The following LIN7A variants were observed in gnomAD, a reference collection of about 807,000 sequenced individuals.
The protein encoded by LIN7A is lin-7 cell polarity scaffold A, also known as protein lin-7 homolog A.
In LIN7A, 25 loss-of-function variants were observed where a neutral mutation model predicts 29.8. The observed-to-expected ratio is 0.84, with a 90% CI of 0.61 to 1.17. The LOEUF (loss-of-function observed/expected upper bound fraction) is 1.17, where lower values mean the gene tolerates loss of function less well. Among genes scored for constraint, LIN7A ranks in the 50% most tolerant of loss-of-function variants. The pLI is 0.00. For missense variants in LIN7A, 239 were observed against 287.0 expected, an observed-to-expected ratio of 0.83 and a Z score of 1.21; for synonymous variants, 118 against 107.5, an observed-to-expected ratio of 1.10 and a Z score of -0.60.
chr12:80,821,635 A>C (rs1277274958), intron 4 of LIN7A, among the ~76,000 whole-genome samples: 1 of 152,220 alleles, frequency 6.6e-6, no homozygotes, highest in Admixed American at 6.5e-5. Flanking sequence ...CGAAGACACC[A>C]GCTACAGTGG....
intron 4 of LIN7A, among the ~76,000 whole-genome samples, chr12:80,812,957 A>T (rs1447286604): frequency 1.3e-5 from 2 of 152,216 alleles, no homozygotes; most frequent in Non-Finnish European, 2.9e-5. Flanking sequence ...CTCAGAAAAG[A>T]TATTCAAACT....
intron 1 of LIN7A, among the ~76,000 whole-genome samples, chr12:80,894,229 A>T (rs375048697): frequency 1.4e-3 from 220 of 152,280 alleles, no homozygotes; most frequent in African/African-American, 5.0e-3. Context: ...CTCTTCTATC[A>T]CATTTGATTA....
chr12:80,905,299 C>A (rs1876420871), intron 1 of LIN7A, among the ~76,000 whole-genome samples: 1 of 152,048 alleles, frequency 6.6e-6, no homozygotes, highest in African/African-American at 2.4e-5. Context: ...AAGCAATTCT[C>A]CTGTCTCAGC....
intron 2 of LIN7A, among the ~76,000 whole-genome samples, chr12:80,882,353 C>G (rs1875099424): frequency 8.1e-6 from 1 of 123,650 alleles, no homozygotes; most frequent in Non-Finnish European, 1.8e-5. Context: ...GGCGGGATCT[C>G]GGCTCACTGC....
chr12:80,880,462 C>T (rs930929631), intron 2 of LIN7A, among the ~76,000 whole-genome samples: 1 of 152,128 alleles, frequency 6.6e-6, no homozygotes, highest in African/African-American at 2.4e-5. Context: ...TTGCTTCATT[C>T]CCAAATAAAA....
At chr12:80,847,276 C>A (rs781626899) in intron 3 of LIN7A, among the ~76,000 whole-genome samples, 1 of 152,138 alleles carries the variant, frequency 6.6e-6, no homozygotes, top group African/African-American at 2.4e-5. Flanking sequence ...AATTAAACCA[C>A]GTAGGGATCA....
chr12:80,890,970 T>C (rs191925261), intron 1 of LIN7A, among the ~76,000 whole-genome samples: 370 of 151,286 alleles, frequency 2.4e-3, no homozygotes, highest in Non-Finnish European at 4.5e-3. Flanking sequence ...TCATTTTTTT[T>C]CCCCCTAAAA....
intron 1 of LIN7A, among the ~76,000 whole-genome samples, chr12:80,900,772 G>C (rs1876170963): frequency 6.6e-6 from 1 of 152,096 alleles, no homozygotes; most frequent in Admixed American, 6.5e-5. Flanking sequence ...TTCTATTTAT[G>C]TAAGTATTTG....
chr12:80,874,422 G>C (rs1369271427), intron 2 of LIN7A, among the ~76,000 whole-genome samples: 2 of 152,102 alleles, frequency 1.3e-5, no homozygotes, highest in African/African-American at 4.8e-5. Flanking sequence ...TGTCATAACT[G>C]TTTTGATGAA....
chr12:80,812,798 C>A (rs1871354171), intron 4 of LIN7A, among the ~76,000 whole-genome samples: 1 of 152,102 alleles, frequency 6.6e-6, no homozygotes, highest in South Asian at 2.1e-4. Flanking sequence ...CGATCCACCT[C>A]CCTCAGCCTC....
intron 1 of LIN7A, among the ~76,000 whole-genome samples, chr12:80,933,827 C>T (rs140736638): frequency 7.2e-4 from 109 of 152,140 alleles, no homozygotes; most frequent in African/African-American, 2.6e-3. Flanking sequence ...AAACAGCAGC[C>T]CCCATTTATA....
At chr12:80,828,632 C>T (rs1872195450) in intron 4 of LIN7A, among the ~76,000 whole-genome samples, 2 of 152,100 alleles carry the variant, frequency 1.3e-5, no homozygotes, top group Non-Finnish European at 1.5e-5. Context: ...ATGTTATCAT[C>T]CCAATTTCAT....
chr12:80,917,820 C>G (rs1877101079), intron 1 of LIN7A, among the ~76,000 whole-genome samples: 1 of 152,120 alleles, frequency 6.6e-6, no homozygotes, highest in South Asian at 2.1e-4. Flanking sequence ...GAAACACAGG[C>G]CTCATTCACG....
At chr12:80,798,313 A>G (rs1311293184) in intron 5 of LIN7A, among the ~76,000 whole-genome samples, 1 of 152,230 alleles carries the variant, frequency 6.6e-6, no homozygotes, top group Admixed American at 6.5e-5. Flanking sequence ...TTTCTTTCAG[A>G]GAGAACAGTG....
intron 2 of LIN7A, among the ~76,000 whole-genome samples, chr12:80,866,385 T>C (rs1592908257): frequency 6.6e-6 from 1 of 152,348 alleles, no homozygotes; most frequent in East Asian, 1.9e-4. Context: ...TCTATTATAC[T>C]CTTCTTAATT....
At chr12:80,876,928 C>T (rs1874735828) in intron 2 of LIN7A, among the ~76,000 whole-genome samples, 1 of 151,806 alleles carries the variant, frequency 6.6e-6, no homozygotes, top group Non-Finnish European at 1.5e-5. Context: ...TCGAGACTAC[C>T]CTGGCCAACA....
intron 1 of LIN7A, among the ~76,000 whole-genome samples, chr12:80,933,776 T>C (rs1027251398): frequency 2.6e-5 from 4 of 152,150 alleles, no homozygotes; most frequent in Non-Finnish European, 4.4e-5. Flanking sequence ...TCTTCTCAAA[T>C]GTCACTGACT....
chr12:80,905,146 C>A (rs1876407994), intron 1 of LIN7A, among the ~76,000 whole-genome samples: 1 of 151,448 alleles, frequency 6.6e-6, no homozygotes, highest in African/African-American at 2.4e-5. Flanking sequence ...ATTTTGATAT[C>A]TTCTTTAAAG....
intron 1 of LIN7A, among the ~76,000 whole-genome samples, chr12:80,933,682 T>C (rs1484880495): frequency 6.6e-6 from 1 of 152,216 alleles, no homozygotes; most frequent in Non-Finnish European, 1.5e-5. Context: ...CCTTCCTGGC[T>C]GTTCCCAGTA....
Sources: allele counts gnomAD v4.1 joint callset (sites outside exome capture counted in the v4.1 genomes callset), GRCh38; gene constraint gnomAD v4.1.1; transcripts MANE v1.5; gene names NCBI Gene and HGNC (gene_info 2026-07-23, HGNC 2026-07-21).